TGM6: variants seen among roughly 807,000 people sequenced by gnomAD.
TGM6 encodes the protein transglutaminase 6.
In TGM6, 74 loss-of-function variants were observed where a neutral mutation model predicts 77.5. The observed-to-expected ratio is 0.96, with a 90% CI of 0.79 to 1.16. TGM6 has a LOEUF of 1.16. TGM6 is among the 50% of genes most tolerant of loss of function. The pLI is 0.00. For synonymous variants in TGM6, 383 were observed against 378.9 expected, an observed-to-expected ratio of 1.01 and a Z score of -0.12; for missense variants, 968 against 940.2, an observed-to-expected ratio of 1.03 and a Z score of -0.39.
In TGM6 at chr20:2,417,432, C is replaced by G; in HGVS notation, c.1537C>G (p.Leu513Val). 2 of 1,612,836 alleles carry G rather than the reference C, an allele frequency of 1.2e-6. No homozygotes were observed. The highest frequency in any genetic ancestry group is 8.5e-7 in the Non-Finnish European group (1 of 1,180,006). The change falls in exon 10 of 13, where the codon CTG becomes GTG. Residue 513 changes from leucine (L) to valine (V), a missense_variant. Leu to Val is a conservative substitution (Grantham distance 32, BLOSUM62 1). Coordinates refer to ENST00000202625, the MANE Select transcript of TGM6 (RefSeq NM_198994.3). ...EPPMLGHDLR[L>V]ALCLANLTSR... is the part of the protein sequence containing the mutation. ...TCCCATGCTGGGCCACGACCTGAGA[C>G]TGGCCCTGTGCTTGGCCAACCTCAC...
intron 5 of TGM6, 78 bp from the exon 6 acceptor site, chr20:2,399,483 G>A: frequency 6.2e-7 from 1 of 1,605,404 alleles, no homozygotes; most frequent in East Asian, 2.2e-5. Context: ...GTCCAAAGTT[G>A]GACAGGATTT....
At chr20:2,394,851 C>G (rs532982971) in intron 2 of TGM6, among the ~76,000 whole-genome samples, 2 of 152,200 alleles carry the variant, frequency 1.3e-5, no homozygotes, top group East Asian at 1.9e-4. Context: ...TCTCTGGAAC[C>G]CTGTGTGTAC....
At chr20:2,384,928 G>A (rs1241033609) in intron 1 of TGM6, among the ~76,000 whole-genome samples, 3 of 147,790 alleles carry the variant, frequency 2.0e-5, no homozygotes, top group African/African-American at 7.3e-5. Flanking sequence ...CATACCCCAA[G>A]GGTGAAGGCC....
At chr20:2,421,589 G>A (rs886403165) in intron 10 of TGM6, among the ~76,000 whole-genome samples, 1 of 152,126 alleles carries the variant, frequency 6.6e-6, no homozygotes, top group African/African-American at 2.4e-5. Context: ...CTTCTTTGGT[G>A]AGGTGTCCAG....
rs561889437 is a variant in TGM6, at chr20:2,417,932, T to C, written c.1678+359T>C. 6.6e-5 allele frequency among the ~76,000 whole-genome samples: 10 copies of C among 152,180 alleles called. No individual in the cohort carries two copies. In the South Asian group the frequency reaches 2.1e-3, roughly 32 times the overall value. Reference sequence around the variant, plus strand: ...TATGCCATGCATTACTTTTCTAAAATCCAAAAAAATCTGGAGCCCATTTGG... The same window carrying C: ...TATGCCATGCATTACTTTTCTAAAACCCAAAAAAATCTGGAGCCCATTTGG... On this transcript the variant is annotated intron_variant, in intron 10 of 12. Transcript: ENST00000202625.
Position 2,430,526 on chromosome 20 carries a change from A to G in TGM6, c.1759A>G (p.Met587Val). The G allele has an allele frequency of 6.2e-7, 1 of 1,614,214 alleles. No individual in the cohort carries two copies. Among genetic ancestry groups the G allele is most frequent in the Non-Finnish European group, 8.5e-7 (1 of 1,180,042 alleles). The part of the protein sequence containing the change: ...TEDKKILLAA[M>V]CLVTKGEKLL... ...GGACAAGAAGATCCTGTTGGCTGCCATGTGCCTTGTCACCAAAGGAGAGAA... is the reference window on the plus strand; with the variant it reads ...GGACAAGAAGATCCTGTTGGCTGCCGTGTGCCTTGTCACCAAAGGAGAGAA... Residue 587 changes from methionine to valine, a missense_variant, in exon 11 of 13, where the codon ATG becomes GTG. Coordinates refer to ENST00000202625, the MANE Select transcript of TGM6 (RefSeq NM_198994.3).
At chr20:2,394,850 C>T (rs2084652088) in intron 2 of TGM6, among the ~76,000 whole-genome samples, 1 of 152,156 alleles carries the variant, frequency 6.6e-6, no homozygotes, top group Non-Finnish European at 1.5e-5. Context: ...CTCTCTGGAA[C>T]CCTGTGTGTA....
intron 1 of TGM6, among the ~76,000 whole-genome samples, chr20:2,393,283 T>C (rs1305785766): frequency 1.3e-5 from 2 of 152,236 alleles, no homozygotes; most frequent in African/African-American, 2.4e-5. Context: ...TGTCATACTA[T>C]AAACAAATAA....
intron 1 of TGM6, among the ~76,000 whole-genome samples, chr20:2,386,302 T>C (rs1445759889): frequency 1.3e-5 from 2 of 151,978 alleles, no homozygotes; most frequent in South Asian, 4.2e-4. Context: ...ATGACTTAGA[T>C]CACCAAAGCA....
chr20:2,425,807 G>T (rs936921165), intron 10 of TGM6, among the ~76,000 whole-genome samples: 1 of 152,146 alleles, frequency 6.6e-6, no homozygotes, highest in African/African-American at 2.4e-5. Flanking sequence ...TCGAATCAGG[G>T]TAATTGGGAT....
At chr20:2,411,423 A>G (rs2084783375) in intron 9 of TGM6, among the ~76,000 whole-genome samples, 1 of 151,422 alleles carries the variant, frequency 6.6e-6, no homozygotes, top group East Asian at 1.9e-4. Flanking sequence ...GATGCAGAAA[A>G]AGCATTTGAC....
intron 6 of TGM6, 66 bp from the exon 7 acceptor site, chr20:2,400,240 T>C: frequency 9.3e-6 from 15 of 1,608,016 alleles, no homozygotes; most frequent in Non-Finnish European, 1.3e-5. Flanking sequence ...GGGCGCCTGC[T>C]GTGGAAGCCA....
At chr20:2,390,657 G>T (rs2084623933) in intron 1 of TGM6, among the ~76,000 whole-genome samples, 1 of 152,166 alleles carries the variant, frequency 6.6e-6, no homozygotes, top group African/African-American at 2.4e-5. Flanking sequence ...TTAAAATAAA[G>T]AAATAAAATA....
chr20:2,384,378 C>T (rs141170304), intron 1 of TGM6, among the ~76,000 whole-genome samples: 7 of 152,266 alleles, frequency 4.6e-5, no homozygotes, highest in Admixed American at 2.0e-4. Context: ...AGAAGGAAAT[C>T]GGATCCTCAG....
At chr20:2,400,736 G>A (rs115551429) in intron 7 of TGM6, among the ~76,000 whole-genome samples, 1 of 151,028 alleles carries the variant, frequency 6.6e-6, no homozygotes, top group Admixed American at 6.6e-5. Context: ...CTGGGGTGGG[G>A]TGGGGTGGGA....
intron 10 of TGM6, among the ~76,000 whole-genome samples, chr20:2,420,152 G>A (rs6106671): frequency 0.012 from 1,752 of 152,248 alleles, 40 homozygotes; most frequent in African/African-American, 0.04. Context: ...GGCTGAGGCA[G>A]GAGAAAGGCG....
chr20:2,417,120 T>G, intron 9 of TGM6, 112 bp from the exon 10 acceptor site: 5 of 885,552 alleles, frequency 5.6e-6, no homozygotes, highest in Non-Finnish European at 9.0e-6. Flanking sequence ...ACACAAGGCA[T>G]GTGGCGCCGG....
At chr20:2,392,765 T>C (rs1237001539) in intron 1 of TGM6, among the ~76,000 whole-genome samples, 1 of 152,172 alleles carries the variant, frequency 6.6e-6, no homozygotes, top group Non-Finnish European at 1.5e-5. Context: ...TAGCTGAGTA[T>C]GGTGGCATGT....
intron 3 of TGM6, 128 bp from the exon 4 acceptor site, chr20:2,396,378 C>T (rs938577540): frequency 1.0e-5 from 9 of 893,700 alleles, no homozygotes; most frequent in Non-Finnish European, 1.5e-5. Context: ...TCGCAAGCCC[C>T]CTCTTGACCT....
Sources: gnomAD v4.1 joint callset for allele counts (sites outside exome capture counted in the v4.1 genomes callset) on GRCh38, gnomAD v4.1.1 for gene constraint, MANE v1.5 for transcripts, NCBI Gene and HGNC (gene_info 2026-07-23, HGNC 2026-07-21) for gene names.